SGIP1: variants seen among roughly 807,000 people sequenced by gnomAD.
SGIP1 encodes the protein SH3-containing GRB2-like protein 3-interacting protein 1.
In SGIP1, 38 loss-of-function variants were observed where a neutral mutation model predicts 107.5. That is an observed-to-expected ratio of 0.35 (90% CI 0.27 to 0.46). The LOEUF (loss-of-function observed/expected upper bound fraction) is 0.46. Ranked by LOEUF, SGIP1 falls within the 20% of genes least tolerant of loss-of-function variation. The pLI, the probability that SGIP1 is intolerant of heterozygous loss-of-function variation, is 1.00. For synonymous variants in SGIP1, 365 were observed against 366.1 expected, an observed-to-expected ratio of 1.00 and a Z score of 0.03; for missense variants, 929 against 1,019.5, an observed-to-expected ratio of 0.91 and a Z score of 1.21.
At chr1:66,703,523 GCACACA>G (rs138975824) in intron 18 of SGIP1, among the ~76,000 whole-genome samples, 4 of 146,716 alleles carry the variant, frequency 2.7e-5, no homozygotes, top group African/African-American at 1.0e-4. Flanking sequence ...ACATACATAT[GCACACA>G]CACACACACA....
chr1:66,743,092 C>T lies in SGIP1; in HGVS notation c.2484C>T (p.Asn828=). ...RFAAGKYLAD[N] The stretch of plus-strand genomic sequence containing the variant: ...TTGCAGGAAAATACTTGGCAGATAA[C>T]TAATGAAATCTTATGCAAGGATTTG... The change falls in exon 25 of 25, where the codon AAC becomes AAT. Residue 828 remains asparagine (N), a synonymous_variant. Transcript: ENST00000371037. 1 of 1,613,316 alleles carries T rather than the reference C, an allele frequency of 6.2e-7. No individual in the cohort carries two copies. The highest frequency in any genetic ancestry group is 1.1e-5 in the South Asian group (1 of 91,070).
In SGIP1 at chr1:66,585,570, T is replaced by TTGTGTGTGTGTGTGTGTG. The variant is rs113981156; in HGVS notation, c.11-40271_11-40254dup. 5.2e-3 allele frequency among the ~76,000 whole-genome samples: 779 copies of TTGTGTGTGTGTGTGTGTG among 150,050 alleles called. 5 individuals carry two copies. The highest frequency in any genetic ancestry group is 0.015 in the East Asian group (74 of 5,098). ...GAAAAATTAAAAAGAGCTTTGGAGTTTGTGTGTGTGTGTGTGTGTGTGTTT... is the reference window on the plus strand; with the variant it reads ...GAAAAATTAAAAAGAGCTTTGGAGTTTGTGTGTGTGTGTGTGTGTGTGTGTGTGTGTGTGTGTGTGTTT... On this transcript the variant is annotated intron_variant, in intron 1 of 24. Coordinates refer to ENST00000371037, the MANE Select transcript of SGIP1 (RefSeq NM_032291.4).
chr1:66,709,382 A>G (rs1424313170), intron 18 of SGIP1, among the ~76,000 whole-genome samples: 5 of 152,078 alleles, frequency 3.3e-5, no homozygotes, highest in African/African-American at 9.7e-5. Context: ...TCTTATATGG[A>G]AAAGTGTGGA....
In SGIP1 at chr1:66,749,023, TG is replaced by T. The variant is rs1417129857; in HGVS notation, c.*5929del. ...TTTGAAAAAAATGCTTCTGGAATTT[TG>T]TTTTAATTTTAAGAGAATTCCTGTC... On this transcript the variant is annotated 3_prime_UTR_variant, in exon 25 of 25. Transcript: ENST00000371037. 1.3e-5 allele frequency among the ~76,000 whole-genome samples: 2 copies of T among 152,106 alleles called. No individual in the cohort carries two copies. Among genetic ancestry groups the T allele is most frequent in the Non-Finnish European group, 2.9e-5 (2 of 67,912 alleles).
chr1:66,647,749 C>A (rs1451758812), intron 7 of SGIP1, among the ~76,000 whole-genome samples: 1 of 152,178 alleles, frequency 6.6e-6, no homozygotes, highest in Non-Finnish European at 1.5e-5. Context: ...AACAGAGACA[C>A]TCCAGTGTCC....
intron 1 of SGIP1, among the ~76,000 whole-genome samples, chr1:66,548,076 T>C (rs1041344939): frequency 1.3e-5 from 2 of 151,896 alleles, no homozygotes; most frequent in Non-Finnish European, 2.9e-5. Context: ...TTATGAGCAA[T>C]GGAGGTGGAT....
intron 1 of SGIP1, among the ~76,000 whole-genome samples, chr1:66,591,520 C>G (rs1216100662): frequency 6.6e-6 from 1 of 152,170 alleles, no homozygotes; most frequent in Non-Finnish European, 1.5e-5. Flanking sequence ...ATCCCCTGCC[C>G]CTACACATGC....
rs1276767039 is a variant in SGIP1 at position 66,749,096 on chromosome 1, AG to A, written c.*6002del. ...ATTTTAAATTTCATTAGTATCTCTT[AG>A]TGAATTTAACTTTATCATCTAAAAT... On this transcript the variant is annotated 3_prime_UTR_variant, in exon 25 of 25. Transcript: ENST00000371037. 6.6e-6 allele frequency among the ~76,000 whole-genome samples: 1 copy of A among 152,022 alleles called. No individual in the cohort carries two copies. The highest frequency in any genetic ancestry group is 1.5e-5 in the Non-Finnish European group (1 of 67,900).
rs1003824279 is a variant in SGIP1, at chr1:66,745,657, T to A, written c.*2562T>A. ...GAACTAGTAGGTAATAAAACTATTT[T>A]CAGTACTAGGGGTTAAAACAAAAAG... On this transcript the variant is annotated 3_prime_UTR_variant, in exon 25 of 25. Transcript: ENST00000371037. The A allele has an allele frequency of 3.3e-5, 5 of 152,082 alleles. No homozygotes were observed. The highest frequency in any genetic ancestry group is 5.9e-5 in the Non-Finnish European group (4 of 67,934). The allele number at this position is 152,082 out of a possible 1,614,324, so 9.4% of individuals were successfully genotyped here.
Position 66,690,423 on chromosome 1 carries a change from T to TGTGTTTTGCTAC in SGIP1, c.1570+108_1570+119dup. 4 of 1,486,660 alleles carry TGTGTTTTGCTAC rather than the reference T, an allele frequency of 2.7e-6. No individual in the cohort carries two copies. The South Asian group carries it at 3.8e-5, about 14-fold the overall frequency. The allele number at this position is 1,486,660 out of a possible 1,614,324, so 92.1% of individuals were successfully genotyped here. A position where few individuals can be genotyped will look rare whatever the true frequency, so the allele number is the denominator to read the frequency against. On this transcript the variant is annotated intron_variant, in intron 17 of 24. Coordinates refer to ENST00000371037, the MANE Select transcript of SGIP1 (RefSeq NM_032291.4). The stretch of plus-strand genomic sequence containing the variant: ...GTTTCTGGTTGAAATTGTTTTGCTG[T>TGTGTTTTGCTAC]GTGTTTTGCTACTATTACCTGACTC...
intron 1 of SGIP1, among the ~76,000 whole-genome samples, chr1:66,587,616 C>T (rs1156499155): frequency 6.6e-6 from 1 of 152,070 alleles, no homozygotes; most frequent in Non-Finnish European, 1.5e-5. Flanking sequence ...ATTGCTTAAT[C>T]CTAACTAGGT....
chr1:66,581,086 C>A (rs995304255), intron 1 of SGIP1, among the ~76,000 whole-genome samples: 1 of 152,066 alleles, frequency 6.6e-6, no homozygotes, highest in Non-Finnish European at 1.5e-5. Context: ...TACTTATCTT[C>A]TTAGTGGTCA....
At position 66,598,480 on chromosome 1, in the gene SGIP1, G is replaced by T. The variant is rs575474115; in HGVS notation, c.11-27367G>T. 1.2e-4 allele frequency among the ~76,000 whole-genome samples: 18 copies of T among 152,270 alleles called. No homozygotes were observed. The South Asian group carries it at 2.3e-3, about 19-fold the overall frequency. The stretch of plus-strand genomic sequence containing the variant: ...AACCTCTGGCCACGTGTATTAGTTT[G>T]TTCTCATGTGCTATAAAGAAATACC... On this transcript the variant is annotated intron_variant, in intron 1 of 24. Transcript: ENST00000371037.
At chr1:66,555,295 T>C (rs2058025247) in intron 1 of SGIP1, among the ~76,000 whole-genome samples, 1 of 152,122 alleles carries the variant, frequency 6.6e-6, no homozygotes, top group African/African-American at 2.4e-5. Context: ...TGTTATCAAG[T>C]TCTCTGGGTT....
In SGIP1 at chr1:66,682,131, C is replaced by T; in HGVS notation, c.1077C>T (p.Gly359=). The T allele has an allele frequency of 1.2e-6, 2 of 1,614,048 alleles. No homozygotes were observed. ...CTCTCGGCCCCCCAGGTCCCACAGG[C>T]CCCCCAGGGCCTCCTGGGCCTCCTC... is the stretch of plus-strand genomic sequence containing the variant. ...PGPLGPPGPT[G]PPGPPGPPRN... Residue 359 remains glycine, a synonymous_variant, in exon 15 of 25, where the codon GGC becomes GGT. Transcript: ENST00000371037.
At chr1:66,626,071 G>T in intron 2 of SGIP1, 161 bp downstream of exon 2, 11 of 318,058 alleles carry the variant, frequency 3.5e-5, no homozygotes, top group Admixed American at 5.2e-5. Flanking sequence ...ACAGTTCTTA[G>T]ATTTATGCTA....
chr1:66,701,459 A>G (rs1002537672), intron 18 of SGIP1, among the ~76,000 whole-genome samples: 2 of 152,164 alleles, frequency 1.3e-5, no homozygotes, highest in African/African-American at 4.8e-5. Flanking sequence ...AAATATTAAA[A>G]CCACGCTCCT....
intron 20 of SGIP1, among the ~76,000 whole-genome samples, chr1:66,731,196 GA>G (rs2093993349): frequency 6.6e-6 from 1 of 152,110 alleles, no homozygotes. Context: ...AACCGTGAGG[GA>G]ATGGAAAAAG....
chr1:66,704,144 G>A (rs566799082), intron 18 of SGIP1: 1 of 152,046 alleles, frequency 6.6e-6, no homozygotes, highest in African/African-American at 2.4e-5. Context: ...CTTGTAACAT[G>A]GCTGTGTTTT....
Sources: allele counts gnomAD v4.1 joint callset (sites outside exome capture counted in the v4.1 genomes callset), GRCh38; gene constraint gnomAD v4.1.1; transcripts MANE v1.5; gene names NCBI Gene and HGNC (gene_info 2026-07-23, HGNC 2026-07-21).